GRID2: variants seen among roughly 807,000 people sequenced by gnomAD.
GRID2 encodes glutamate ionotropic receptor delta type subunit 2, also known as glutamate receptor ionotropic, delta-2.
In GRID2, 33 loss-of-function variants were observed where a neutral mutation model predicts 114.8. The ratio of observed to expected loss-of-function variants is 0.29; its 90% CI spans 0.22 to 0.38. The LOEUF is 0.38. Ranked by LOEUF, GRID2 falls within the 10% of genes least tolerant of loss-of-function variation. The pLI, the probability that GRID2 is intolerant of heterozygous loss-of-function variation, is 1.00. For synonymous variants in GRID2, 505 were observed against 449.9 expected (o/e 1.12, Z -1.55); for missense variants, 1,184 against 1,257.7 (o/e 0.94, Z 0.89).
At chr4:92,876,251 TAAAA>T (rs942008035) in intron 2 of GRID2, among the ~76,000 whole-genome samples, 3 of 151,112 alleles carry the variant, frequency 2.0e-5, no homozygotes, top group Non-Finnish European at 4.4e-5. Flanking sequence ...ATTATGAAAT[TAAAA>T]AAACCCAATT....
chr4:93,769,498 G>A, intron 15 of GRID2, 48 bp downstream of exon 15: 1 of 1,595,700 alleles, frequency 6.3e-7, no homozygotes, highest in Non-Finnish European at 8.6e-7. Context: ...CAAGCAGGCT[G>A]TATTTCCAGG....
At chr4:92,613,071 C>G (rs1262883428) in intron 2 of GRID2, among the ~76,000 whole-genome samples, 2 of 151,284 alleles carry the variant, frequency 1.3e-5, no homozygotes, top group South Asian at 2.1e-4. Context: ...TCCAAAGATG[C>G]TATTTATCAT....
At chr4:93,121,169 AAATT>A (rs1475751279) in intron 4 of GRID2, among the ~76,000 whole-genome samples, 1 of 152,114 alleles carries the variant, frequency 6.6e-6, no homozygotes, top group African/African-American at 2.4e-5. Context: ...TTTCTAAAAT[AAATT>A]ATTTGGAGAC....
At chr4:93,049,297 T>C (rs1726462659) in intron 2 of GRID2, among the ~76,000 whole-genome samples, 1 of 152,054 alleles carries the variant, frequency 6.6e-6, no homozygotes, top group Non-Finnish European at 1.5e-5. Flanking sequence ...CAAATAAAAA[T>C]GCAAGACCCT....
At chr4:92,557,072 C>A in intron 1 of GRID2, among the ~76,000 whole-genome samples, 1 of 152,026 alleles carries the variant, frequency 6.6e-6, no homozygotes, top group East Asian at 1.9e-4. Context: ...TAAGGAGAAA[C>A]CACAAAATAA....
At chr4:92,826,627 A>G (rs894193616) in intron 2 of GRID2, among the ~76,000 whole-genome samples, 6 of 152,176 alleles carry the variant, frequency 3.9e-5, no homozygotes, top group Non-Finnish European at 8.8e-5. Flanking sequence ...TGCATGAATC[A>G]TAGCAGTTAA....
chr4:92,803,769 T>C (rs1180894119), intron 2 of GRID2, among the ~76,000 whole-genome samples: 1 of 152,032 alleles, frequency 6.6e-6, no homozygotes, highest in Non-Finnish European at 1.5e-5. Flanking sequence ...AGCCATACAT[T>C]CTTTTTGTAT....
intron 13 of GRID2, among the ~76,000 whole-genome samples, chr4:93,622,322 C>T (rs183217462): frequency 1.9e-3 from 296 of 152,268 alleles, no homozygotes; most frequent in Non-Finnish European, 3.3e-3. Context: ...TTATATCAAG[C>T]CCCACGTATA....
At chr4:92,959,577 T>G (rs1390852322) in intron 2 of GRID2, among the ~76,000 whole-genome samples, 6 of 152,108 alleles carry the variant, frequency 3.9e-5, no homozygotes, top group African/African-American at 9.7e-5. Context: ...GCAGCACTAT[T>G]CACAATAGCA....
At position 92,749,310 on chromosome 4, in the gene GRID2, C is replaced by CTTTTTTTT. The variant is rs68069370; in HGVS notation, c.244+159039_244+159046dup. Among the ~76,000 whole-genome samples the CTTTTTTTT allele has an allele frequency of 3.1e-3, 220 of 72,032 alleles. 6 individuals are homozygous for CTTTTTTTT. The highest frequency in any genetic ancestry group is 0.023 in the Middle Eastern group (1 of 44). 47.3% of individuals were successfully genotyped at this position (72,032 alleles called of 152,430 possible). ...CGCCGCGCCCGGCCTTGATTTGTAG[C>CTTTTTTTT]TTTTTTTTTTTTTTTTTTTTTTGAG... is the stretch of plus-strand genomic sequence containing the variant. On this transcript the variant is annotated intron_variant, in intron 2 of 15. Coordinates refer to ENST00000282020, the MANE Select transcript of GRID2 (RefSeq NM_001510.4).
chr4:92,342,928 C>A (rs770661108), intron 1 of GRID2, among the ~76,000 whole-genome samples: 1 of 152,038 alleles, frequency 6.6e-6, no homozygotes, highest in Admixed American at 6.6e-5. Context: ...ACTGTGTACA[C>A]CACGAATGAA....
At chr4:92,497,162 T>A (rs1258437145) in intron 1 of GRID2, among the ~76,000 whole-genome samples, 1 of 151,860 alleles carries the variant, frequency 6.6e-6, no homozygotes, top group East Asian at 1.9e-4. Context: ...TCTTTGAGAC[T>A]TTGTTGTTCA....
At chr4:92,879,130 A>C (rs1745826571) in intron 2 of GRID2, among the ~76,000 whole-genome samples, 2 of 152,172 alleles carry the variant, frequency 1.3e-5, no homozygotes, top group African/African-American at 4.8e-5. Context: ...GTATATAGAC[A>C]AAGACTAGAA....
chr4:93,657,378 G>C (rs1723112832), intron 14 of GRID2, among the ~76,000 whole-genome samples: 1 of 152,056 alleles, frequency 6.6e-6, no homozygotes, highest in Non-Finnish European at 1.5e-5. Flanking sequence ...TTAAACTGTA[G>C]ATTGACTAAA....
intron 8 of GRID2, among the ~76,000 whole-genome samples, chr4:93,272,646 C>T (rs1424548357): frequency 6.6e-6 from 1 of 152,198 alleles, no homozygotes; most frequent in East Asian, 1.9e-4. Flanking sequence ...GTGGTTTTGC[C>T]TGGCTGGTTT....
chr4:92,325,992 T>C, intron 1 of GRID2, among the ~76,000 whole-genome samples: 1 of 151,826 alleles, frequency 6.6e-6, no homozygotes, highest in East Asian at 1.9e-4. Context: ...TTTTCTCCCA[T>C]GTTTATGTAA....
intron 1 of GRID2, among the ~76,000 whole-genome samples, chr4:92,349,575 A>C (rs556866909): frequency 7.1e-4 from 107 of 151,766 alleles, no homozygotes; most frequent in Non-Finnish European, 1.3e-3. Context: ...AATAAAATGA[A>C]ATTTAAAATA....
chr4:92,749,806 T>C (rs550903857), intron 2 of GRID2, among the ~76,000 whole-genome samples: 56 of 152,268 alleles, frequency 3.7e-4, no homozygotes, highest in Non-Finnish European at 6.0e-4. Context: ...GGATCAACAG[T>C]GGAGCAGTGT....
At chr4:93,389,353 TAATAG>T (rs1764628286) in intron 8 of GRID2, among the ~76,000 whole-genome samples, 1 of 152,130 alleles carries the variant, frequency 6.6e-6, no homozygotes. Flanking sequence ...AAAGGAAAGC[TAATAG>T]AATTTGAGGG....
Sources: gnomAD v4.1 joint callset for allele counts (sites outside exome capture counted in the v4.1 genomes callset) on GRCh38, gnomAD v4.1.1 for gene constraint, MANE v1.5 for transcripts, NCBI Gene and HGNC (gene_info 2026-07-23, HGNC 2026-07-21) for gene names.